The following PTP4A3 variants were observed in gnomAD, a reference collection of about 807,000 sequenced individuals.
PTP4A3 encodes the protein protein tyrosine phosphatase type IVA 3.
A neutral mutation model predicts 15.2 loss-of-function variants in PTP4A3; 9 were observed. That is an observed-to-expected ratio of 0.59 (90% CI 0.36 to 1.03). The LOEUF is 1.03. PTP4A3 is among the 50% of genes least tolerant of loss of function. PTP4A3 has a pLI of 0.02. For missense variants in PTP4A3, 234 were observed against 252.1 expected, an observed-to-expected ratio of 0.93 and a Z score of 0.49; for synonymous variants, 95 against 102.0, an observed-to-expected ratio of 0.93 and a Z score of 0.41.
At chr8:141,394,751 C>T (rs949726360) in intron 1 of PTP4A3, among the ~76,000 whole-genome samples, 1 of 152,258 alleles carries the variant, frequency 6.6e-6, no homozygotes, top group Non-Finnish European at 1.5e-5. Context: ...GACCCATAGG[C>T]AGGGACCTGG....
Position 141,427,732 on chromosome 8 carries a change from C to G in PTP4A3, c.330-18C>G. ...GTGCGCAGGCTCCGATGACCCCCGC[C>G]CTGCTGTTTGCCCCCAGGGCTCCAG... On this transcript the variant is annotated intron_variant, in intron 4 of 5. Coordinates refer to ENST00000521578, the MANE Select transcript of PTP4A3 (RefSeq NM_032611.3). The G allele has an allele frequency of 6.5e-7, 1 of 1,548,894 alleles. No homozygotes were observed. The highest frequency in any genetic ancestry group is 8.7e-7 in the Non-Finnish European group (1 of 1,146,036).
At chr8:141,399,187 C>T (rs1011096438) in intron 1 of PTP4A3, among the ~76,000 whole-genome samples, 4 of 152,230 alleles carry the variant, frequency 2.6e-5, no homozygotes, top group African/African-American at 9.7e-5. Flanking sequence ...CGCCCTTGCC[C>T]CTAGAGCCGG....
chr8:141,416,826 T>C (rs1287414682), intron 1 of PTP4A3, among the ~76,000 whole-genome samples: 3 of 149,622 alleles, frequency 2.0e-5, no homozygotes, highest in Admixed American at 2.0e-4. Flanking sequence ...TGATGTTTTC[T>C]GGAAGTGTGG....
At chr8:141,429,134 C>G in intron 5 of PTP4A3, among the ~76,000 whole-genome samples, 1 of 152,360 alleles carries the variant, frequency 6.6e-6, no homozygotes, top group East Asian at 1.9e-4. Flanking sequence ...GCCCCTGTTG[C>G]GTGTCTGTTG....
rs559771827 is a variant in PTP4A3, at chr8:141,413,281, T to C, written c.-853-8107T>C. 1.8e-4 allele frequency among the ~76,000 whole-genome samples: 27 copies of C among 152,328 alleles called. 1 individual carries two copies. Among genetic ancestry groups the C allele is most frequent in the Admixed American group, 1.6e-3 (25 of 15,304 alleles). ...CGGGGAGAGGCTCCTTCTCAGAGGC[T>C]GTGAGCTCCGAATGAAACTCCATGC... On this transcript the variant is annotated intron_variant, in intron 1 of 5. Transcript: ENST00000521578.
At chr8:141,417,086 C>T (rs1833086003) in intron 1 of PTP4A3, among the ~76,000 whole-genome samples, 2 of 152,230 alleles carry the variant, frequency 1.3e-5, no homozygotes, top group Admixed American at 6.5e-5. Flanking sequence ...CATGAGTTCC[C>T]GGCACAATGC....
In PTP4A3 at chr8:141,425,158, G is replaced by A. The variant is rs920793245; in HGVS notation, c.198+18G>A. 4.4e-6 allele frequency: 7 copies of A among 1,581,396 alleles called. No homozygotes were observed. In the African/African-American group the frequency reaches 8.1e-5, roughly 18 times the overall value. ...CCGTTGTGGTGAGGCGCGCGCCACG[G>A]GGACCCTAGTCACTGCTGCCACCGG... On this transcript the variant is annotated intron_variant, in intron 3 of 5. Transcript: ENST00000521578. This position sits in a 1 kb window ranked among gnomAD's most constrained non-coding sequence, Gnocchi z 4.2.
chr8:141,401,460 G>A (rs1482686434), intron 1 of PTP4A3, among the ~76,000 whole-genome samples: 3 of 152,168 alleles, frequency 2.0e-5, no homozygotes, highest in South Asian at 2.1e-4. Context: ...ACGTCCCCCC[G>A]GCCATGTCGG....
intron 1 of PTP4A3, among the ~76,000 whole-genome samples, chr8:141,402,327 C>A (rs966548180): frequency 4.7e-4 from 71 of 152,190 alleles, no homozygotes; most frequent in African/African-American, 1.6e-3. Flanking sequence ...AGGGAGGGCT[C>A]CCCCAGATAA....
intron 1 of PTP4A3, among the ~76,000 whole-genome samples, chr8:141,414,626 G>GT (rs954074864): frequency 2.0e-5 from 3 of 151,830 alleles, no homozygotes; most frequent in African/African-American, 7.3e-5. Context: ...TGGACTGGGG[G>GT]GGGGGTAGGG....
At chr8:141,402,899 G>T (rs1181679057) in intron 1 of PTP4A3, among the ~76,000 whole-genome samples, 4 of 152,178 alleles carry the variant, frequency 2.6e-5, no homozygotes, top group Admixed American at 1.3e-4. Context: ...GGATCCAGGT[G>T]CCTGCGGGCA....
rs1832718348 is a variant in PTP4A3, at chr8:141,406,240, AC to A, written c.-854+14159del. The stretch of plus-strand genomic sequence containing the variant: ...GGTGTCACCATTTCACTTGTCGGCC[AC>A]CCACGGCTGCTTCCTGCCCCATCTG... On this transcript the variant is annotated intron_variant, in intron 1 of 5. Transcript: ENST00000521578. The surrounding 1 kb of genome is among the most constrained non-coding windows in gnomAD (Gnocchi z 4.5). Among the ~76,000 whole-genome samples, 1 of 152,036 alleles carries A rather than the reference AC, an allele frequency of 6.6e-6. No individual in the cohort carries two copies. The highest frequency in any genetic ancestry group is 1.5e-5 in the Non-Finnish European group (1 of 67,986).
At chr8:141,428,072 CCCT>C (rs972631501) in intron 5 of PTP4A3, among the ~76,000 whole-genome samples, 30 of 152,106 alleles carry the variant, frequency 2.0e-4, no homozygotes, top group Non-Finnish European at 4.1e-4. Flanking sequence ...GTCCTGCCCG[CCCT>C]CCACAGACAG....
intron 1 of PTP4A3, among the ~76,000 whole-genome samples, chr8:141,394,732 G>A (rs920723367): frequency 2.0e-5 from 3 of 152,240 alleles, no homozygotes; most frequent in Non-Finnish European, 4.4e-5. Context: ...GACCTGGACC[G>A]GCTCGCAGGA....
At chr8:141,430,901 C>T in intron 5 of PTP4A3, 26 bp from the exon 6 acceptor site, 1 of 1,609,336 alleles carries the variant, frequency 6.2e-7, no homozygotes, top group Non-Finnish European at 8.5e-7. Context: ...CTTGGATGAT[C>T]TCTGTTCCTG....
chr8:141,422,061 C>G lies in PTP4A3; in HGVS notation c.-180C>G, dbSNP rs964960634. ...CAGTGGGCAGCTTCCTCCCCCACACCCAAGTATTTGCACAATATTTGTGCG... is the reference window on the plus strand; with the variant it reads ...CAGTGGGCAGCTTCCTCCCCCACACGCAAGTATTTGCACAATATTTGTGCG... On this transcript the variant is annotated 5_prime_UTR_variant, in exon 2 of 6. Coordinates refer to ENST00000521578, the MANE Select transcript of PTP4A3 (RefSeq NM_032611.3). 15 of 552,962 alleles carry G rather than the reference C, an allele frequency of 2.7e-5. No homozygotes were observed. The highest frequency in any genetic ancestry group is 4.4e-5 in the Non-Finnish European group (14 of 315,704). 34.3% of individuals were successfully genotyped at this position (552,962 alleles called of 1,614,324 possible). A position where few individuals can be genotyped will look rare whatever the true frequency, so the allele number is the denominator to read the frequency against.
At chr8:141,424,228 C>T (rs572931595) in intron 2 of PTP4A3, among the ~76,000 whole-genome samples, 11 of 152,202 alleles carry the variant, frequency 7.2e-5, no homozygotes, top group Admixed American at 4.6e-4. Context: ...TGATTCCTCA[C>T]CCCTCCCAAA....
intron 5 of PTP4A3, among the ~76,000 whole-genome samples, chr8:141,428,116 G>T (rs1056384601): frequency 6.6e-6 from 1 of 151,980 alleles, no homozygotes. Flanking sequence ...TCCTGACGGG[G>T]GTGGAAGGAC....
intron 1 of PTP4A3, among the ~76,000 whole-genome samples, chr8:141,408,966 C>T (rs1046535536): frequency 1.3e-4 from 20 of 152,356 alleles, no homozygotes; most frequent in Middle Eastern, 3.4e-3. Flanking sequence ...GAGGTACCCA[C>T]GCTGCCGTGT....
Sources: allele counts gnomAD v4.1 joint callset (sites outside exome capture counted in the v4.1 genomes callset), GRCh38; gene constraint gnomAD v4.1.1; non-coding constraint Gnocchi (gnomAD v3.1); transcripts MANE v1.5; gene names NCBI Gene and HGNC (gene_info 2026-07-23, HGNC 2026-07-21).